Variants in PTPN2 observed in about 807,000 individuals in gnomAD.
The protein encoded by PTPN2 is protein tyrosine phosphatase non-receptor type 2.
Under a neutral mutation model 57.3 loss-of-function variants are expected in PTPN2, and 19 were observed. That is an observed-to-expected ratio of 0.33 (90% CI 0.23 to 0.49). The LOEUF (loss-of-function observed/expected upper bound fraction) is 0.49, where lower values mean the gene tolerates loss of function less well. Ranked by LOEUF, PTPN2 falls within the 20% of genes least tolerant of loss-of-function variation. PTPN2 has a pLI of 0.99. For synonymous variants in PTPN2, 153 were observed against 164.9 expected (o/e 0.93, Z 0.55); for missense variants, 358 against 501.1 (o/e 0.71, Z 2.73).
At chr18:12,819,188 A>G in intron 5 of PTPN2, 1 of 1,121,848 alleles carries the variant, frequency 8.9e-7, no homozygotes, top group Non-Finnish European at 1.2e-6. Flanking sequence ...AAATACAGTG[A>G]AATAAATTTT....
intron 7 of PTPN2, among the ~76,000 whole-genome samples, chr18:12,807,567 G>GGA (rs2041705641): frequency 1.9e-4 from 1 of 5,228 alleles, no homozygotes; most frequent in African/African-American, 2.6e-4. Flanking sequence ...AAGAAAATGT[G>GGA]GAAAAAAAAA....
chr18:12,873,489 T>C (rs2044347395), intron 1 of PTPN2, among the ~76,000 whole-genome samples: 1 of 152,240 alleles, frequency 6.6e-6, no homozygotes, highest in Non-Finnish European at 1.5e-5. Flanking sequence ...GGGGTTTCGC[T>C]GTGTTGGCCG....
chr18:12,844,707 T>G (rs774286706), intron 2 of PTPN2, among the ~76,000 whole-genome samples: 4 of 152,228 alleles, frequency 2.6e-5, no homozygotes, highest in Non-Finnish European at 5.9e-5. Flanking sequence ...ACTCATCTTT[T>G]TGTCCTCTTA....
At chr18:12,792,146 G>A, downstream of PTPN2, 1 of 820,888 alleles carries the variant, frequency 1.2e-6, no homozygotes, top group Non-Finnish European at 1.5e-6. Flanking sequence ...TCAGGACACA[G>A]GCACATGTTA....
intron 2 of PTPN2, among the ~76,000 whole-genome samples, chr18:12,849,018 T>C: frequency 6.6e-6 from 1 of 152,228 alleles, no homozygotes; most frequent in Admixed American, 6.5e-5. Flanking sequence ...AGAAGTATAA[T>C]GTTAAGTATA....
At chr18:12,824,209 T>C (rs529296079) in intron 5 of PTPN2, among the ~76,000 whole-genome samples, 23 of 152,348 alleles carry the variant, frequency 1.5e-4, no homozygotes, top group Middle Eastern at 3.4e-3. Context: ...GTAATGGGAA[T>C]GTATAAATAA....
chr18:12,807,605 A>ATATATATATATATATATAT (rs1555660843), intron 7 of PTPN2, among the ~76,000 whole-genome samples: 5 of 110,508 alleles, frequency 4.5e-5, no homozygotes, highest in Middle Eastern at 5.0e-3. Flanking sequence ...ATATATATAT[A>ATATATATATATATATATAT]ATATAATACT....
intron 2 of PTPN2, among the ~76,000 whole-genome samples, chr18:12,842,395 A>G (rs1204430350): frequency 6.6e-6 from 1 of 152,206 alleles, no homozygotes; most frequent in African/African-American, 2.4e-5. Flanking sequence ...ATAACTAAGT[A>G]AAGTATATGA....
chr18:12,842,767 T>G (rs1245574373), intron 2 of PTPN2, among the ~76,000 whole-genome samples: 4 of 152,236 alleles, frequency 2.6e-5, no homozygotes, highest in Non-Finnish European at 4.4e-5. Context: ...AAAGGACTGC[T>G]ACTTCCATTT....
chr18:12,874,995 C>CT (rs2044437734), intron 1 of PTPN2, among the ~76,000 whole-genome samples: 1 of 152,152 alleles, frequency 6.6e-6, no homozygotes, highest in African/African-American at 2.4e-5. Context: ...TCCTGTTGAT[C>CT]TGTGACCTTA....
intron 1 of PTPN2, among the ~76,000 whole-genome samples, chr18:12,881,676 T>C (rs1189344303): frequency 6.6e-6 from 1 of 152,176 alleles, no homozygotes; most frequent in Non-Finnish European, 1.5e-5. Context: ...CCTCTTCCCC[T>C]GGCCAATGTC....
intron 2 of PTPN2, among the ~76,000 whole-genome samples, chr18:12,856,083 A>G (rs1415570422): frequency 6.6e-6 from 1 of 152,216 alleles, no homozygotes; most frequent in African/African-American, 2.4e-5. Context: ...CTAAAGGTCA[A>G]TGTCAGCGGA....
intron 1 of PTPN2, among the ~76,000 whole-genome samples, chr18:12,872,933 G>GT (rs1189358643): frequency 6.6e-6 from 1 of 152,152 alleles, no homozygotes. Flanking sequence ...AATTAAGAAT[G>GT]TAACAGGCTG....
intron 8 of PTPN2, among the ~76,000 whole-genome samples, chr18:12,798,876 A>G (rs1423842193): frequency 6.9e-6 from 1 of 145,298 alleles, no homozygotes; most frequent in Non-Finnish European, 1.6e-5. Context: ...TCCCACCAAC[A>G]GTGTTTAAGC....
intron 8 of PTPN2, among the ~76,000 whole-genome samples, chr18:12,798,092 T>C (rs1322866058): frequency 6.6e-6 from 1 of 152,166 alleles, no homozygotes; most frequent in Admixed American, 6.5e-5. Context: ...TGAACTGTAA[T>C]TGAGAATACT....
At chr18:12,832,170 G>A (rs2042691248) in intron 3 of PTPN2, among the ~76,000 whole-genome samples, 1 of 152,176 alleles carries the variant, frequency 6.6e-6, no homozygotes, top group African/African-American at 2.4e-5. Flanking sequence ...GGGCTAGAGT[G>A]CAGTGTCACG....
chr18:12,822,749 C>T (rs1298380085), intron 5 of PTPN2, among the ~76,000 whole-genome samples: 1 of 152,160 alleles, frequency 6.6e-6, no homozygotes, highest in Non-Finnish European at 1.5e-5. Flanking sequence ...CTTTTTCTCA[C>T]TCCCATTGGT....
intron 4 of PTPN2, 74 bp downstream of exon 4, chr18:12,830,869 C>T: frequency 1.7e-6 from 2 of 1,143,192 alleles, no homozygotes; most frequent in Non-Finnish European, 2.5e-6. Flanking sequence ...TGAATATTGG[C>T]CCCAAAATGA....
intron 1 of PTPN2, chr18:12,863,556 G>GTT (rs1198418869): frequency 6.8e-6 from 1 of 147,108 alleles, no homozygotes; most frequent in African/African-American, 2.5e-5. Context: ...TTTTTTGGGG[G>GTT]GGGGGGGGCA....
Sources: gnomAD v4.1 joint callset for allele counts (sites outside exome capture counted in the v4.1 genomes callset) on GRCh38, gnomAD v4.1.1 for gene constraint, MANE v1.5 for transcripts, NCBI Gene and HGNC (gene_info 2026-07-23, HGNC 2026-07-21) for gene names.